STK40: variants seen among roughly 807,000 people sequenced by gnomAD.
STK40 encodes the protein serine/threonine-protein kinase 40.
Under a neutral mutation model 47.9 loss-of-function variants are expected in STK40, and 13 were observed. The ratio of observed to expected loss-of-function variants is 0.27; its 90% confidence interval spans 0.18 to 0.43. STK40 has a LOEUF of 0.43. Among genes scored for constraint, STK40 ranks in the 20% least tolerant of loss-of-function variants. The pLI is 1.00. For missense variants in STK40, 460 were observed against 595.1 expected, an observed-to-expected ratio of 0.77 and a Z score of 2.36; for synonymous variants, 225 against 243.2, an observed-to-expected ratio of 0.93 and a Z score of 0.69.
intron 7 of STK40, 25 bp downstream of exon 7, chr1:36,348,675 C>A: frequency 6.3e-7 from 1 of 1,576,846 alleles, no homozygotes; most frequent in South Asian, 1.2e-5. Context: ...AGCTTAGAGG[C>A]CCAATGTCTG....
chr1:36,349,663 G>A (rs1646733187), intron 6 of STK40, among the ~76,000 whole-genome samples: 1 of 152,138 alleles, frequency 6.6e-6, no homozygotes, highest in South Asian at 2.1e-4. Flanking sequence ...CCTCTGAAAG[G>A]CGTGGGGCAG....
chr1:36,361,063 A>G (rs1332141224), intron 2 of STK40, among the ~76,000 whole-genome samples, 158 bp downstream of exon 2: 1 of 152,192 alleles, frequency 6.6e-6, no homozygotes. Context: ...TTCTGTTTCA[A>G]GTAGTGAAGC....
At chr1:36,348,864 G>T in intron 6 of STK40, 49 bp from the exon 7 acceptor site, 1 of 1,493,226 alleles carries the variant, frequency 6.7e-7, no homozygotes, top group Non-Finnish European at 9.2e-7. Flanking sequence ...ATAGCAACAG[G>T]CACAAGACAC....
intron 1 of STK40, among the ~76,000 whole-genome samples, chr1:36,385,228 G>A (rs1036543380): frequency 5.3e-5 from 8 of 152,334 alleles, no homozygotes; most frequent in African/African-American, 1.7e-4. Context: ...GCTGTGACTC[G>A]TACCTGAACG....
chr1:36,378,545 G>A (rs1023216218), intron 1 of STK40, among the ~76,000 whole-genome samples: 3 of 151,466 alleles, frequency 2.0e-5, no homozygotes, highest in Non-Finnish European at 4.4e-5. Context: ...TGCAACCTCC[G>A]CCTCCTGGGT....
intron 1 of STK40, among the ~76,000 whole-genome samples, chr1:36,380,753 A>C (rs1050528180): frequency 3.3e-5 from 5 of 152,158 alleles, no homozygotes; most frequent in African/African-American, 1.2e-4. Context: ...TCCCTGGTTA[A>C]ATCTGGGCAG....
chr1:36,379,221 G>A (rs1184884917), intron 1 of STK40, among the ~76,000 whole-genome samples: 1 of 152,148 alleles, frequency 6.6e-6, no homozygotes, highest in Non-Finnish European at 1.5e-5. Flanking sequence ...AGAGGGGACA[G>A]CTTTATTCTG....
At chr1:36,370,850 T>C (rs1646939509) in intron 1 of STK40, among the ~76,000 whole-genome samples, 1 of 151,966 alleles carries the variant, frequency 6.6e-6, no homozygotes, top group Non-Finnish European at 1.5e-5. Flanking sequence ...AGTATTTGCA[T>C]ATAACCTGTG....
intron 1 of STK40, among the ~76,000 whole-genome samples, chr1:36,366,896 G>A (rs962852063): frequency 6.0e-5 from 9 of 150,064 alleles, no homozygotes; most frequent in Admixed American, 5.3e-4. Flanking sequence ...GTGCAATGGC[G>A]CAATCTCTGC....
intron 2 of STK40, 56 bp downstream of exon 2, chr1:36,361,165 T>G: frequency 1.3e-6 from 2 of 1,599,696 alleles, no homozygotes; most frequent in South Asian, 2.2e-5. Flanking sequence ...TGCGAGCCAA[T>G]GTGCCCTGCC....
At chr1:36,346,096 G>A (rs969874920) in intron 7 of STK40, among the ~76,000 whole-genome samples, 11 of 145,902 alleles carry the variant, frequency 7.5e-5, no homozygotes, top group African/African-American at 1.3e-4. Context: ...CCAGGTTCAC[G>A]CCATTCTCCT....
At chr1:36,346,517 G>A (rs911630382) in intron 7 of STK40, among the ~76,000 whole-genome samples, 1 of 152,206 alleles carries the variant, frequency 6.6e-6, no homozygotes, top group African/African-American at 2.4e-5. Context: ...GACCTGGGTC[G>A]GAAACCCACA....
At chr1:36,344,375 C>G (rs1403515568) in intron 7 of STK40, 111 bp from the exon 8 acceptor site, 30 of 1,403,494 alleles carry the variant, frequency 2.1e-5, no homozygotes, top group Non-Finnish European at 2.7e-5. Flanking sequence ...CCAGTCCCCC[C>G]AGAGTCGTCC....
intron 1 of STK40, among the ~76,000 whole-genome samples, chr1:36,374,415 G>C (rs1646974729): frequency 6.6e-6 from 1 of 152,188 alleles, no homozygotes. Context: ...AAAAATACAT[G>C]GAGTTAGAGA....
At chr1:36,374,221 C>A (rs548541925) in intron 1 of STK40, among the ~76,000 whole-genome samples, 35 of 152,358 alleles carry the variant, frequency 2.3e-4, no homozygotes, top group African/African-American at 7.2e-4. Flanking sequence ...TCCCTCCTCA[C>A]CCCACTGCCC....
At chr1:36,381,437 G>A (rs1208726198) in intron 1 of STK40, among the ~76,000 whole-genome samples, 2 of 152,084 alleles carry the variant, frequency 1.3e-5, no homozygotes, top group African/African-American at 4.8e-5. Flanking sequence ...CTGCCTGGAG[G>A]GCTTCATAGA....
chr1:36,355,452 G>C lies in STK40; in HGVS notation c.343-19C>G. 2 of 1,613,728 alleles carry C rather than the reference G, an allele frequency of 1.2e-6. No individual in the cohort carries two copies. Among genetic ancestry groups the C allele is most frequent in the Middle Eastern group, 1.7e-4 (1 of 6,054 alleles). On this transcript the variant is annotated intron_variant, in intron 4 of 10. Coordinates refer to ENST00000373132, the MANE Select transcript of STK40 (RefSeq NM_001282547.2). ...TGCGGTCCTGGGAGGCAAGGGGGTAGCGCAGGGCTTGGCTGTGAACTTGGC... is the reference window on the plus strand; with the variant it reads ...TGCGGTCCTGGGAGGCAAGGGGGTACCGCAGGGCTTGGCTGTGAACTTGGC...
At chr1:36,349,354 C>G (rs922528349) in intron 6 of STK40, among the ~76,000 whole-genome samples, 1 of 152,246 alleles carries the variant, frequency 6.6e-6, no homozygotes, top group African/African-American at 2.4e-5. Flanking sequence ...GAGGAAGAAA[C>G]TGACAGTGGC....
chr1:36,354,503 T>C, intron 5 of STK40, 87 bp from the exon 6 acceptor site: 1 of 1,410,032 alleles, frequency 7.1e-7, no homozygotes, highest in Admixed American at 1.7e-5. Context: ...TCTCCAGGTG[T>C]TCGAGAAGGC....
Sources: allele counts gnomAD v4.1 joint callset (sites outside exome capture counted in the v4.1 genomes callset), GRCh38; gene constraint gnomAD v4.1.1; transcripts MANE v1.5; gene names NCBI Gene and HGNC (gene_info 2026-07-23, HGNC 2026-07-21).